The following TMEM17 variants were observed in gnomAD, a reference collection of about 807,000 sequenced individuals.
TMEM17 encodes transmembrane protein 17.
In TMEM17, 15 loss-of-function variants were observed where a neutral mutation model predicts 19.1. The observed-to-expected ratio is 0.78, with a 90% CI of 0.52 to 1.21. The LOEUF is 1.21. Among genes scored for constraint, TMEM17 ranks in the 50% most tolerant of loss-of-function variants. The probability of loss-of-function intolerance (pLI) is 0.00; values close to 1 mark genes in which losing one functional copy is unlikely to be tolerated. For missense variants in TMEM17, 245 were observed against 242.3 expected (o/e 1.01, Z -0.07); for synonymous variants, 103 against 86.9 (o/e 1.19, Z -1.03).
At chr2:62,495,554 G>A (rs1034097169), downstream of TMEM17, among the ~76,000 whole-genome samples, 2 of 152,154 alleles carry the variant, frequency 1.3e-5, no homozygotes, top group Non-Finnish European at 2.9e-5. Context: ...ACAAGTTAGT[G>A]TTAATTACAC....
the TMEM17 span, among the ~76,000 whole-genome samples, chr2:62,469,852 C>T: frequency 6.6e-6 from 1 of 152,232 alleles, no homozygotes; most frequent in Non-Finnish European, 1.5e-5. Context: ...CCATTGGCTG[C>T]CTGGGCAGCC....
the TMEM17 span, among the ~76,000 whole-genome samples, chr2:62,464,966 T>C: frequency 6.6e-6 from 1 of 152,186 alleles, no homozygotes. Context: ...AGATATGTTA[T>C]CCCTATGAAC....
intron 1 of TMEM17, among the ~76,000 whole-genome samples, chr2:62,503,985 T>A (rs1330587018): frequency 6.6e-6 from 1 of 152,204 alleles, no homozygotes. Flanking sequence ...CATCCTAAAT[T>A]TGACTAAATT....
chr2:62,471,687 G>A, the TMEM17 span, among the ~76,000 whole-genome samples: 1 of 152,202 alleles, frequency 6.6e-6, no homozygotes, highest in African/African-American at 2.4e-5. Context: ...TCTGAATCTT[G>A]AAAGATTAGA....
chr2:62,467,293 C>A, the TMEM17 span, among the ~76,000 whole-genome samples: 1 of 151,356 alleles, frequency 6.6e-6, no homozygotes, highest in African/African-American at 2.4e-5. Context: ...CCAGGTGGTT[C>A]TCTTGTGCAG....
chr2:62,467,330 C>T, the TMEM17 span, among the ~76,000 whole-genome samples: 1 of 152,052 alleles, frequency 6.6e-6, no homozygotes, highest in Non-Finnish European at 1.5e-5. Context: ...CGGATCTAGT[C>T]CAATCCCTTC....
rs778888021 is a variant in TMEM17, at chr2:62,502,475, G to A, written c.280C>T (p.Arg94Trp). 1.6e-5 allele frequency: 25 copies of A among 1,612,774 alleles called. No homozygotes were observed. The highest frequency in any genetic ancestry group is 3.3e-4 in the Middle Eastern group (2 of 6,084). ...TTACCCACGTAGCCCAGATACAACC[G>A]GATGGCTTCAATTAAGGTTATTAGG... ...IILITLIEAI[R>W]LYLGYVGNLQ... Residue 94 changes from arginine (R) to tryptophan (W), a missense_variant, in exon 3 of 4, where the codon CGG (arginine) becomes TGG (tryptophan). Coordinates refer to ENST00000335390, the MANE Select transcript of TMEM17 (RefSeq NM_198276.3).
Position 62,502,358 on chromosome 2 carries a change from A to C in TMEM17, c.318+79T>G, listed in dbSNP as rs1337690957. The C allele has an allele frequency of 5.3e-6, 5 of 951,490 alleles. No individual in the cohort carries two copies. The African/African-American group carries it at 8.2e-5, about 16-fold the overall frequency. The allele number at this position is 951,490 out of a possible 1,614,324, so 58.9% of individuals were successfully genotyped here. A position where few individuals can be genotyped will look rare whatever the true frequency, so the allele number is the denominator to read the frequency against. On this transcript the variant is annotated intron_variant, in intron 3 of 3. Transcript: ENST00000335390. Reference sequence around the variant, plus strand: ...AATTCAGGCCTGTGCTCTTTCTGCCACACCTCACTGCCTTTTACTTGTTAT... The same window carrying C: ...AATTCAGGCCTGTGCTCTTTCTGCCCCACCTCACTGCCTTTTACTTGTTAT...
At chr2:62,468,619 CCAT>C in the TMEM17 span, among the ~76,000 whole-genome samples, 11 of 152,134 alleles carry the variant, frequency 7.2e-5, no homozygotes, top group Admixed American at 7.2e-4. Flanking sequence ...TGAGTGTTCA[CCAT>C]AGAGAGAACT....
At chr2:62,470,279 A>G in the TMEM17 span, among the ~76,000 whole-genome samples, 1 of 152,000 alleles carries the variant, frequency 6.6e-6, no homozygotes, top group Admixed American at 6.5e-5. Context: ...CTTCCAAATC[A>G]CAGGATCCTG....
At chr2:62,465,737 T>G in the TMEM17 span, among the ~76,000 whole-genome samples, 1 of 152,176 alleles carries the variant, frequency 6.6e-6, no homozygotes, top group Admixed American at 6.5e-5. Context: ...CCCTCTATTA[T>G]TTTTGTTATT....
the TMEM17 span, among the ~76,000 whole-genome samples, chr2:62,477,002 C>T: frequency 1.3e-5 from 2 of 151,966 alleles, no homozygotes; most frequent in Non-Finnish European, 1.5e-5. Flanking sequence ...TCCTAGGGGG[C>T]AGAAGTGAGG....
At chr2:62,494,761 G>T in the TMEM17 span, among the ~76,000 whole-genome samples, 82,622 of 151,838 alleles carry the variant, frequency 0.54, 23,195 homozygotes, top group African/African-American at 0.67. Flanking sequence ...CCCAGCACTT[G>T]GGGAGGCCGA....
the TMEM17 span, among the ~76,000 whole-genome samples, chr2:62,460,289 TC>T: frequency 6.6e-6 from 1 of 152,178 alleles, no homozygotes; most frequent in African/African-American, 2.4e-5. Context: ...TGATCAGTTT[TC>T]CCTCCTCCCT....
the TMEM17 span, among the ~76,000 whole-genome samples, chr2:62,493,052 T>A: frequency 6.6e-6 from 1 of 152,132 alleles, no homozygotes; most frequent in Non-Finnish European, 1.5e-5. Flanking sequence ...TTGTTTTTGA[T>A]ACAGGGTCTT....
intron 1 of TMEM17, 21 bp downstream of exon 1, chr2:62,506,009 C>T (rs373909467): frequency 8.1e-6 from 13 of 1,596,858 alleles, no homozygotes; most frequent in African/African-American, 8.1e-5. Flanking sequence ...ACACCCCCTG[C>T]ACCGGGCCTC....
chr2:62,501,573 G>T, intron 3 of TMEM17, 86 bp from the exon 4 acceptor site: 1 of 1,319,312 alleles, frequency 7.6e-7, no homozygotes, highest in Non-Finnish European at 1.0e-6. Context: ...TCACTACCGT[G>T]AACCTACATT....
chr2:62,502,747 T>G lies in TMEM17; in HGVS notation c.148A>C (p.Asn50His). 3 of 1,609,508 alleles carry G rather than the reference T, an allele frequency of 1.9e-6. No individual in the cohort carries two copies. Among genetic ancestry groups the G allele is most frequent in the Non-Finnish European group, 8.5e-7 (1 of 1,178,672 alleles). The stretch of plus-strand genomic sequence containing the variant: ...CACCACAGTGGGAAATAGTAGGTAT[T>G]AAAATAAAGTGACATCTGCAGTGCC... ...SLALQMSLYF[N>H]TYYFPLWWVS... is the part of the protein sequence containing the mutation. Residue 50 changes from asparagine (N) to histidine (H), a missense_variant, in exon 2 of 4, where the codon AAT (asparagine) becomes CAT (histidine). Physicochemically the swap from Asn to His is moderately conservative, Grantham distance 68. Transcript: ENST00000335390.
chr2:62,469,073 T>C, the TMEM17 span, among the ~76,000 whole-genome samples: 1 of 152,312 alleles, frequency 6.6e-6, no homozygotes. Context: ...TTCCAGGAAA[T>C]GTACAAATGC....
Sources: gnomAD v4.1 joint callset for allele counts (sites outside exome capture counted in the v4.1 genomes callset) on GRCh38, gnomAD v4.1.1 for gene constraint, MANE v1.5 for transcripts, NCBI Gene and HGNC (gene_info 2026-07-23, HGNC 2026-07-21) for gene names.